PTPRM: variants seen among roughly 807,000 people sequenced by gnomAD.
The protein encoded by PTPRM is protein tyrosine phosphatase receptor type M.
A neutral mutation model predicts 186.7 loss-of-function variants in PTPRM; 47 were observed. That is an observed-to-expected ratio of 0.25 (90% confidence interval 0.20 to 0.32). The LOEUF (loss-of-function observed/expected upper bound fraction) is 0.32, where lower values mean the gene tolerates loss of function less well. PTPRM is among the 10% of genes least tolerant of loss of function. The pLI is 1.00. For synonymous variants in PTPRM, 668 were observed against 674.9 expected (o/e 0.99, Z 0.16); for missense variants, 1,494 against 1,865.0 (o/e 0.80, Z 3.66).
chr18:7,972,692 G>A (rs2054641073), intron 7 of PTPRM, among the ~76,000 whole-genome samples: 1 of 151,858 alleles, frequency 6.6e-6, no homozygotes, highest in Non-Finnish European at 1.5e-5. Context: ...CATTTTACTT[G>A]TTAATGTTTA....
chr18:7,644,626 C>A (rs1453724497), intron 1 of PTPRM, among the ~76,000 whole-genome samples: 1 of 151,834 alleles, frequency 6.6e-6, no homozygotes, highest in Non-Finnish European at 1.5e-5. Context: ...AGATGAGTCC[C>A]TTGGAAAGAC....
At chr18:8,008,081 T>C (rs2084298385) in intron 7 of PTPRM, among the ~76,000 whole-genome samples, 1 of 152,202 alleles carries the variant, frequency 6.6e-6, no homozygotes, top group South Asian at 2.1e-4. Flanking sequence ...GAAATCCCTT[T>C]GAAGTGTTTG....
intron 14 of PTPRM, among the ~76,000 whole-genome samples, chr18:8,240,828 A>AGAAAG (rs879710754): frequency 3.2e-5 from 1 of 31,294 alleles, no homozygotes; most frequent in African/African-American, 1.6e-4. Flanking sequence ...GAGAGAGAGA[A>AGAAAG]AGAAAGAAAG....
chr18:8,178,835 A>G (rs1370515099), intron 14 of PTPRM, among the ~76,000 whole-genome samples: 1 of 151,968 alleles, frequency 6.6e-6, no homozygotes, highest in Non-Finnish European at 1.5e-5. Flanking sequence ...CTTTGATGGA[A>G]CTTTGTTCCA....
chr18:7,905,062 C>T (rs142782671), intron 3 of PTPRM, among the ~76,000 whole-genome samples: 517 of 152,086 alleles, frequency 3.4e-3, no homozygotes, highest in African/African-American at 0.012. Flanking sequence ...GGCACAATCT[C>T]GGCTCACTGC....
intron 13 of PTPRM, among the ~76,000 whole-genome samples, chr18:8,116,863 C>A (rs2091976909): frequency 6.6e-6 from 1 of 152,162 alleles, no homozygotes; most frequent in Admixed American, 6.5e-5. Context: ...CTCCTATTTT[C>A]TGAGTCATTT....
chr18:7,803,828 T>C (rs770874058), intron 2 of PTPRM, among the ~76,000 whole-genome samples: 28 of 152,178 alleles, frequency 1.8e-4, no homozygotes, highest in Admixed American at 3.3e-4. Context: ...ACATGCCTAC[T>C]TCACTGACTA....
chr18:7,707,467 A>AAAT (rs140187676), intron 1 of PTPRM, among the ~76,000 whole-genome samples: 9,665 of 151,188 alleles, frequency 0.064, 833 homozygotes, highest in African/African-American at 0.19. Context: ...CCCTTCTCTA[A>AAAT]AATAATAATA....
chr18:7,993,096 A>G (rs1384375511), intron 7 of PTPRM, among the ~76,000 whole-genome samples: 1 of 151,936 alleles, frequency 6.6e-6, no homozygotes, highest in African/African-American at 2.4e-5. Flanking sequence ...AATACAGTTG[A>G]CACCTTCAGC....
At position 7,846,499 on chromosome 18, in the gene PTPRM, A is replaced by C. The variant is rs2046602972; in HGVS notation, c.197-41607A>C. Among the ~76,000 whole-genome samples the C allele has an allele frequency of 2.0e-5, 3 of 152,148 alleles. No homozygotes were observed. In the South Asian group the frequency reaches 6.2e-4, roughly 31 times the overall value. On this transcript the variant is annotated intron_variant, in intron 2 of 32. Coordinates refer to ENST00000580170, the MANE Select transcript of PTPRM (RefSeq NM_001105244.2). ...TGTGGCAACTGGTGTCCTATGCTGTACTTGTTATTGCCTCATCCTTCATCT... is the reference window on the plus strand; with the variant it reads ...TGTGGCAACTGGTGTCCTATGCTGTCCTTGTTATTGCCTCATCCTTCATCT...
intron 2 of PTPRM, among the ~76,000 whole-genome samples, chr18:7,837,965 G>A (rs995548083): frequency 1.3e-5 from 2 of 152,110 alleles, no homozygotes; most frequent in Non-Finnish European, 2.9e-5. Context: ...AAGGACTTGG[G>A]TGTTATGGTC....
intron 2 of PTPRM, among the ~76,000 whole-genome samples, chr18:7,792,360 A>G (rs1403107127): frequency 6.6e-6 from 1 of 152,088 alleles, no homozygotes; most frequent in African/African-American, 2.4e-5. Flanking sequence ...TTCTCTTTCC[A>G]CAGAGGAAAA....
intron 3 of PTPRM, among the ~76,000 whole-genome samples, chr18:7,893,291 G>T (rs962005844): frequency 6.6e-6 from 1 of 152,100 alleles, no homozygotes; most frequent in Admixed American, 6.5e-5. Flanking sequence ...CCATGAAAAC[G>T]TTTAACGACT....
At chr18:8,324,622 T>C (rs1189843874) in intron 22 of PTPRM, among the ~76,000 whole-genome samples, 2 of 152,262 alleles carry the variant, frequency 1.3e-5, no homozygotes, top group Non-Finnish European at 2.9e-5. Context: ...GTTTGGTAAA[T>C]AGTAATAATA....
intron 14 of PTPRM, among the ~76,000 whole-genome samples, chr18:8,240,860 A>T (rs2094428131): frequency 3.3e-5 from 5 of 150,696 alleles, no homozygotes; most frequent in Non-Finnish European, 7.4e-5. Context: ...AGAAAGAAAG[A>T]AATTGAAAGT....
At chr18:7,640,195 A>G (rs1454589445) in intron 1 of PTPRM, among the ~76,000 whole-genome samples, 1 of 152,168 alleles carries the variant, frequency 6.6e-6, no homozygotes, top group Non-Finnish European at 1.5e-5. Context: ...TATGCTGATG[A>G]TTAGCCTGTG....
At chr18:7,647,007 A>T (rs1040103781) in intron 1 of PTPRM, among the ~76,000 whole-genome samples, 1 of 152,074 alleles carries the variant, frequency 6.6e-6, no homozygotes, top group Non-Finnish European at 1.5e-5. Flanking sequence ...ATTTTTTGCC[A>T]TGTGTCTTAG....
chr18:7,827,914 C>T (rs997348829), intron 2 of PTPRM, among the ~76,000 whole-genome samples: 1 of 152,190 alleles, frequency 6.6e-6, no homozygotes, highest in Non-Finnish European at 1.5e-5. Flanking sequence ...GGGCTATTTA[C>T]CAGACACTTC....
chr18:8,054,379 T>C (rs1380715237), intron 7 of PTPRM, among the ~76,000 whole-genome samples: 4 of 148,542 alleles, frequency 2.7e-5, no homozygotes, highest in Admixed American at 2.7e-4. Flanking sequence ...TTCTGGTTTT[T>C]CCTGTTTTTC....
Sources: gnomAD v4.1 joint callset for allele counts (sites outside exome capture counted in the v4.1 genomes callset) on GRCh38, gnomAD v4.1.1 for gene constraint, MANE v1.5 for transcripts, NCBI Gene and HGNC (gene_info 2026-07-23, HGNC 2026-07-21) for gene names.